GABBR2: variants seen among roughly 807,000 people sequenced by gnomAD.
The protein encoded by GABBR2 is gamma-aminobutyric acid type B receptor subunit 2.
In GABBR2, 23 loss-of-function variants were observed where a neutral mutation model predicts 105.6. The observed-to-expected ratio is 0.22, with a 90% confidence interval of 0.16 to 0.31. GABBR2 has a LOEUF of 0.31. GABBR2 is among the 10% of genes least tolerant of loss of function. The pLI is 1.00. For synonymous variants in GABBR2, 478 were observed against 499.7 expected, an observed-to-expected ratio of 0.96 and a Z score of 0.58; for missense variants, 734 against 1,245.5, an observed-to-expected ratio of 0.59 and a Z score of 6.18.
intron 1 of GABBR2, among the ~76,000 whole-genome samples, chr9:98,582,823 G>A (rs984887630): frequency 4.6e-5 from 7 of 152,164 alleles, no homozygotes; most frequent in African/African-American, 1.2e-4. Context: ...TCTGTTCCAC[G>A]GCCCTCCCCT....
intron 3 of GABBR2, among the ~76,000 whole-genome samples, chr9:98,535,961 C>G (rs903593406): frequency 2.0e-5 from 3 of 151,998 alleles, no homozygotes; most frequent in Non-Finnish European, 4.4e-5. Flanking sequence ...AAGAGTGAAC[C>G]CTAATGTAAA....
At chr9:98,589,480 C>A (rs924513411) in intron 1 of GABBR2, among the ~76,000 whole-genome samples, 1 of 152,152 alleles carries the variant, frequency 6.6e-6, no homozygotes, top group African/African-American at 2.4e-5. Context: ...TAACAAACAT[C>A]CTTAAACGCC....
intron 3 of GABBR2, among the ~76,000 whole-genome samples, chr9:98,536,304 A>G (rs1310120417): frequency 6.6e-6 from 1 of 152,154 alleles, no homozygotes; most frequent in African/African-American, 2.4e-5. Context: ...TTAGAGGTCA[A>G]CTGGCCCAAT....
At chr9:98,425,956 T>C (rs931678485) in intron 7 of GABBR2, among the ~76,000 whole-genome samples, 5 of 152,290 alleles carry the variant, frequency 3.3e-5, no homozygotes, top group African/African-American at 1.2e-4. Flanking sequence ...ACAATTGTAT[T>C]CCAATGCTAG....
At chr9:98,436,634 G>C (rs932289829) in intron 7 of GABBR2, among the ~76,000 whole-genome samples, 1 of 150,932 alleles carries the variant, frequency 6.6e-6, no homozygotes, top group East Asian at 2.0e-4. Flanking sequence ...TCCATGCCCC[G>C]TGCTCCTCCT....
At chr9:98,395,580 G>T (rs967164161) in intron 8 of GABBR2, among the ~76,000 whole-genome samples, 1 of 152,132 alleles carries the variant, frequency 6.6e-6, no homozygotes, top group Non-Finnish European at 1.5e-5. Flanking sequence ...CTGGGAAGGG[G>T]TGACCAGGAT....
At chr9:98,682,240 AC>A (rs1171121257) in intron 1 of GABBR2, among the ~76,000 whole-genome samples, 35 of 151,730 alleles carry the variant, frequency 2.3e-4, no homozygotes, top group South Asian at 1.0e-3. Context: ...GAAAAAAAAA[AC>A]AAAACAAAAA....
chr9:98,406,549 G>A (rs967199956), intron 7 of GABBR2, among the ~76,000 whole-genome samples: 3 of 152,202 alleles, frequency 2.0e-5, no homozygotes, highest in African/African-American at 4.8e-5. Context: ...ATAAAGATAC[G>A]GGGTATTGCT....
In GABBR2 at chr9:98,484,287, C is replaced by T. The variant is rs1336224095; in HGVS notation, c.733-3290G>A. On this transcript the variant is annotated intron_variant, in intron 4 of 18. Coordinates refer to ENST00000259455, the MANE Select transcript of GABBR2 (RefSeq NM_005458.8). ...CCCAGGCTGTTAGATTTGGATGGGG[C>T]CCGTGGGATCCCCCATCTAGCTAAT... Among the ~76,000 whole-genome samples the T allele has an allele frequency of 2.0e-5, 3 of 152,304 alleles. No individual in the cohort carries two copies. The East Asian group carries it at 5.8e-4, about 29-fold the overall frequency.
At chr9:98,606,963 G>C in intron 1 of GABBR2, 1 of 757,164 alleles carries the variant, frequency 1.3e-6, no homozygotes, top group South Asian at 1.4e-5. Flanking sequence ...GGCTCCGCCT[G>C]CATCCAAACC....
At chr9:98,346,388 C>A (rs1831304259) in intron 13 of GABBR2, among the ~76,000 whole-genome samples, 1 of 152,162 alleles carries the variant, frequency 6.6e-6, no homozygotes, top group Non-Finnish European at 1.5e-5. Flanking sequence ...ACTTTCTTTG[C>A]TTTTCCATAA....
At chr9:98,625,270 C>T (rs1829720510) in intron 1 of GABBR2, among the ~76,000 whole-genome samples, 2 of 152,236 alleles carry the variant, frequency 1.3e-5, no homozygotes, top group African/African-American at 4.8e-5. Context: ...CTTCCACTCA[C>T]TTGCCCAGGG....
At chr9:98,583,941 C>T (rs1031321075) in intron 1 of GABBR2, among the ~76,000 whole-genome samples, 1 of 152,226 alleles carries the variant, frequency 6.6e-6, no homozygotes. Context: ...CTTTTCAATA[C>T]CCCATTTAAG....
intron 3 of GABBR2, among the ~76,000 whole-genome samples, chr9:98,510,401 A>T (rs1165968108): frequency 6.6e-6 from 1 of 152,234 alleles, no homozygotes; most frequent in Non-Finnish European, 1.5e-5. Flanking sequence ...TAATGAGAGG[A>T]TCAAATTCAC....
At chr9:98,687,394 T>G (rs1196270994) in intron 1 of GABBR2, among the ~76,000 whole-genome samples, 1 of 151,980 alleles carries the variant, frequency 6.6e-6, no homozygotes, top group African/African-American at 2.4e-5. Flanking sequence ...TGATCAGATA[T>G]CAGGGGTGAT....
Position 98,660,555 on chromosome 9 carries a change from C to T in GABBR2, c.321+47862G>A, listed in dbSNP as rs144894549. ...TTTCCTACGGAGTCTGAGTTAGTTTCCTATTGCTACTATAACAAATCACCA... is the reference window on the plus strand; with the variant it reads ...TTTCCTACGGAGTCTGAGTTAGTTTTCTATTGCTACTATAACAAATCACCA... On this transcript the variant is annotated intron_variant, in intron 1 of 18. Coordinates refer to ENST00000259455, the MANE Select transcript of GABBR2 (RefSeq NM_005458.8). Among the ~76,000 whole-genome samples, 701 of 152,266 alleles carry T rather than the reference C, an allele frequency of 4.6e-3. 5 individuals carry two copies. The highest frequency in any genetic ancestry group is 0.01 in the Admixed American group (154 of 15,300).
At chr9:98,536,996 C>T (rs754939594) in intron 3 of GABBR2, among the ~76,000 whole-genome samples, 3 of 152,184 alleles carry the variant, frequency 2.0e-5, no homozygotes, top group Non-Finnish European at 4.4e-5. Context: ...TCTCCCACCA[C>T]CAGAGGGCGT....
intron 6 of GABBR2, among the ~76,000 whole-genome samples, chr9:98,468,927 G>C (rs540895516): frequency 6.6e-6 from 1 of 152,142 alleles, no homozygotes; most frequent in Non-Finnish European, 1.5e-5. Flanking sequence ...GGGAAGGGGC[G>C]CTGAGTTGGG....
At position 98,539,125 on chromosome 9, in the gene GABBR2, G is replaced by T. The variant is rs78408125; in HGVS notation, c.630+2748C>A. Among the ~76,000 whole-genome samples, 749 of 152,348 alleles carry T rather than the reference G, an allele frequency of 4.9e-3. 3 individuals carry two copies. The highest frequency in any genetic ancestry group is 8.6e-3 in the Non-Finnish European group (587 of 68,044). On this transcript the variant is annotated intron_variant, in intron 3 of 18. Transcript: ENST00000259455. The stretch of plus-strand genomic sequence containing the variant: ...GAGGACACACAGCAACAGCCTGAGG[G>T]TACAGCTTCCAGCCCTGCCTGGGCT...
Sources: allele counts gnomAD v4.1 joint callset (sites outside exome capture counted in the v4.1 genomes callset), GRCh38; gene constraint gnomAD v4.1.1; transcripts MANE v1.5; gene names NCBI Gene and HGNC (gene_info 2026-07-23, HGNC 2026-07-21).